Variants in OPCML observed in about 807,000 individuals in gnomAD.
OPCML encodes opioid-binding protein/cell adhesion molecule.
OPCML carries 13 observed loss-of-function variants against 37.8 expected under a neutral mutation model. The ratio of observed to expected loss-of-function variants is 0.34; its 90% confidence interval spans 0.22 to 0.55. The LOEUF (loss-of-function observed/expected upper bound fraction) is 0.55. Among genes scored for constraint, OPCML ranks in the 20% least tolerant of loss-of-function variants. The probability of loss-of-function intolerance (pLI) is 0.91; values close to 1 mark genes in which losing one functional copy is unlikely to be tolerated. For synonymous variants in OPCML, 176 were observed against 168.8 expected (o/e 1.04, Z -0.33); for missense variants, 341 against 435.6 (o/e 0.78, Z 1.93).
chr11:132,666,800 A>T (rs566120357), intron 2 of OPCML, among the ~76,000 whole-genome samples: 1 of 152,240 alleles, frequency 6.6e-6, no homozygotes, highest in African/African-American at 2.4e-5. Context: ...AGACAAGGAC[A>T]TGGTTGTGTT....
chr11:132,693,760 A>G lies in OPCML; in HGVS notation c.147-36441T>C, dbSNP rs1943494114. ...AGGCCACCACCTTTTCCTTCTTGTTAAGGTTTGCTATAATTGGTTTTCATT... is the reference window on the plus strand; with the variant it reads ...AGGCCACCACCTTTTCCTTCTTGTTGAGGTTTGCTATAATTGGTTTTCATT... On this transcript the variant is annotated intron_variant, in intron 2 of 7. Transcript: ENST00000524381. 3.3e-5 allele frequency among the ~76,000 whole-genome samples: 5 copies of G among 152,188 alleles called. No homozygotes were observed. The South Asian group carries it at 1.0e-3, about 32-fold the overall frequency.
rs143837093 is a variant in OPCML, at chr11:132,433,152, A to G, written c.916+2934T>C. Among the ~76,000 whole-genome samples the G allele has an allele frequency of 1.2e-3, 185 of 152,276 alleles. 1 individual carries two copies. The highest frequency in any genetic ancestry group is 4.1e-3 in the African/African-American group (170 of 41,560). ...CAGGGGACTTTGGAGGAAGGAAAAGAAGTCCAGTTGAGCAGTGACTCTGGC... is the reference window on the plus strand; with the variant it reads ...CAGGGGACTTTGGAGGAAGGAAAAGGAGTCCAGTTGAGCAGTGACTCTGGC... On this transcript the variant is annotated intron_variant, in intron 7 of 7. Coordinates refer to ENST00000524381, the MANE Select transcript of OPCML (RefSeq NM_001012393.5).
At chr11:132,601,196 G>A (rs1307512662) in intron 3 of OPCML, among the ~76,000 whole-genome samples, 1 of 152,064 alleles carries the variant, frequency 6.6e-6, no homozygotes, top group Non-Finnish European at 1.5e-5. Flanking sequence ...GGGCACAGCT[G>A]TGAAATGGTT....
intron 1 of OPCML, among the ~76,000 whole-genome samples, chr11:133,350,298 T>C (rs1040968529): frequency 4.6e-5 from 7 of 152,190 alleles, no homozygotes; most frequent in African/African-American, 1.2e-4. Context: ...TGGTGACAGG[T>C]CTATAGTTTA....
At chr11:133,086,726 C>A (rs554379946) in intron 1 of OPCML, among the ~76,000 whole-genome samples, 4 of 152,260 alleles carry the variant, frequency 2.6e-5, no homozygotes, top group Admixed American at 1.3e-4. Flanking sequence ...ACCCTTTGAC[C>A]AGTATCTCCC....
At chr11:132,563,524 A>G (rs1186346218) in intron 3 of OPCML, among the ~76,000 whole-genome samples, 1 of 151,850 alleles carries the variant, frequency 6.6e-6, no homozygotes, top group Non-Finnish European at 1.5e-5. Flanking sequence ...GCAACTAGAT[A>G]GAGGTGGTGG....
chr11:133,180,014 C>T (rs747100924), intron 1 of OPCML, among the ~76,000 whole-genome samples: 3 of 152,152 alleles, frequency 2.0e-5, no homozygotes, highest in South Asian at 2.1e-4. Flanking sequence ...CAGAAGGCAA[C>T]CATGGGCCTT....
At chr11:133,525,069 A>C (rs979425359) in intron 1 of OPCML, among the ~76,000 whole-genome samples, 3 of 152,234 alleles carry the variant, frequency 2.0e-5, no homozygotes, top group Non-Finnish European at 2.9e-5. Context: ...TGCCTGTATA[A>C]ACAATGGTCT....
chr11:133,031,307 G>A (rs549468750), intron 1 of OPCML, among the ~76,000 whole-genome samples: 1 of 152,048 alleles, frequency 6.6e-6, no homozygotes, highest in African/African-American at 2.4e-5. Flanking sequence ...TGGATAGATG[G>A]ATGGGTGGTT....
At chr11:132,524,427 G>A in intron 4 of OPCML, among the ~76,000 whole-genome samples, 1 of 152,086 alleles carries the variant, frequency 6.6e-6, no homozygotes, top group East Asian at 1.9e-4. Context: ...TGTGAAGGCT[G>A]CTACACAAGT....
chr11:133,260,295 T>A (rs1941450989), intron 1 of OPCML, among the ~76,000 whole-genome samples: 1 of 152,006 alleles, frequency 6.6e-6, no homozygotes, highest in Admixed American at 6.6e-5. Context: ...AGGTTCTGGC[T>A]ATTACTCAAA....
intron 1 of OPCML, among the ~76,000 whole-genome samples, chr11:132,989,602 CGTGTGTGTGT>C (rs72145712): frequency 0.011 from 1,568 of 139,544 alleles, 14 homozygotes; most frequent in African/African-American, 0.019. Flanking sequence ...GGTCCTAGAG[CGTGTGTGTGT>C]GTGTGTGTGT....
chr11:133,196,243 C>G (rs1473687861), intron 1 of OPCML, among the ~76,000 whole-genome samples: 3 of 152,194 alleles, frequency 2.0e-5, no homozygotes, highest in Non-Finnish European at 4.4e-5. Context: ...GATTCTGCCC[C>G]TGAGCCTTGC....
intron 4 of OPCML, among the ~76,000 whole-genome samples, chr11:132,472,961 A>G (rs933991085): frequency 1.3e-5 from 2 of 152,248 alleles, no homozygotes; most frequent in African/African-American, 2.4e-5. Context: ...GATTCTTTCT[A>G]TGTATCCTTA....
At chr11:132,875,665 C>T (rs1254339781) in intron 2 of OPCML, among the ~76,000 whole-genome samples, 3 of 151,984 alleles carry the variant, frequency 2.0e-5, no homozygotes, top group Admixed American at 6.6e-5. Context: ...GGTTTCTCCA[C>T]GTTGGTCAGG....
At chr11:132,948,853 C>T (rs1465978053) in intron 1 of OPCML, among the ~76,000 whole-genome samples, 3 of 152,006 alleles carry the variant, frequency 2.0e-5, no homozygotes, top group Non-Finnish European at 2.9e-5. Context: ...TTATAAATGC[C>T]CTATGTACAA....
intron 1 of OPCML, among the ~76,000 whole-genome samples, chr11:133,000,350 C>T (rs901479179): frequency 1.3e-5 from 2 of 152,192 alleles, no homozygotes; most frequent in South Asian, 2.1e-4. Context: ...CGTCCTCAAG[C>T]GTTCAGCCTG....
At chr11:133,335,464 C>G (rs1295324541) in intron 1 of OPCML, among the ~76,000 whole-genome samples, 2 of 152,092 alleles carry the variant, frequency 1.3e-5, no homozygotes, top group Admixed American at 6.5e-5. Context: ...GAGGCTGCAT[C>G]CATGAAGTCA....
intron 1 of OPCML, among the ~76,000 whole-genome samples, chr11:133,166,603 T>C (rs1950212074): frequency 6.6e-6 from 1 of 152,178 alleles, no homozygotes; most frequent in South Asian, 2.1e-4. Context: ...TTGCCGAGAA[T>C]TGTGTTTGAG....
Sources: allele counts gnomAD v4.1 joint callset (sites outside exome capture counted in the v4.1 genomes callset), GRCh38; gene constraint gnomAD v4.1.1; transcripts MANE v1.5; gene names NCBI Gene and HGNC (gene_info 2026-07-23, HGNC 2026-07-21).